FARP1: variants seen among roughly 807,000 people sequenced by gnomAD.
FARP1 encodes FERM, ARHGEF and pleckstrin domain-containing protein 1.
Under a neutral mutation model 128.8 loss-of-function variants are expected in FARP1, and 52 were observed. The ratio of observed to expected loss-of-function variants is 0.40; its 90% CI spans 0.32 to 0.51. The LOEUF (loss-of-function observed/expected upper bound fraction) is 0.51. Among genes scored for constraint, FARP1 ranks in the 20% least tolerant of loss-of-function variants. FARP1 has a pLI of 0.45. For missense variants in FARP1, 1,333 were observed against 1,367.9 expected, an observed-to-expected ratio of 0.97 and a Z score of 0.40; for synonymous variants, 580 against 551.8, an observed-to-expected ratio of 1.05 and a Z score of -0.72.
At chr13:98,153,942 T>G (rs1876313769) in intron 1 of FARP1, among the ~76,000 whole-genome samples, 3 of 152,158 alleles carry the variant, frequency 2.0e-5, no homozygotes. Context: ...TTTAGAACAT[T>G]CCCTTGTGCT....
chr13:98,350,133 G>T (rs1372394088), intron 3 of FARP1, among the ~76,000 whole-genome samples: 1 of 152,074 alleles, frequency 6.6e-6, no homozygotes, highest in Admixed American at 6.5e-5. Flanking sequence ...CACCTCGCGG[G>T]GCAGCACCAT....
chr13:98,430,192 C>T lies in FARP1; in HGVS notation c.1906-851C>T, dbSNP rs904643104. Among the ~76,000 whole-genome samples, 5 of 152,052 alleles carry T rather than the reference C, an allele frequency of 3.3e-5. No individual in the cohort carries two copies. In the East Asian group the frequency reaches 5.8e-4, roughly 18 times the overall value. On this transcript the variant is annotated intron_variant, in intron 17 of 26. Coordinates refer to ENST00000319562, the MANE Select transcript of FARP1 (RefSeq NM_005766.4). ...CCTTGAGCCCAGGAGTTCGAGGCTG[C>T]AGTGAGCTGAGATTGCGCCACTGCA... is the stretch of plus-strand genomic sequence containing the variant.
intron 1 of FARP1, among the ~76,000 whole-genome samples, chr13:98,195,650 C>T (rs1170501860): frequency 6.6e-6 from 1 of 152,068 alleles, no homozygotes; most frequent in East Asian, 1.9e-4. Flanking sequence ...TCCGCTGTGT[C>T]AGTAGAGTGT....
intron 1 of FARP1, among the ~76,000 whole-genome samples, chr13:98,156,078 T>C (rs996225469): frequency 6.6e-6 from 1 of 152,220 alleles, no homozygotes; most frequent in Non-Finnish European, 1.5e-5. Context: ...CCTCCCATAT[T>C]TTAAAAATAA....
intron 1 of FARP1, among the ~76,000 whole-genome samples, chr13:98,208,296 A>AC (rs1366001477): frequency 6.9e-6 from 1 of 144,566 alleles, no homozygotes. Flanking sequence ...ACATGGTGAA[A>AC]CCCCATCTCT....
At chr13:98,430,680 A>G (rs1390306852) in intron 17 of FARP1, among the ~76,000 whole-genome samples, 1 of 152,204 alleles carries the variant, frequency 6.6e-6, no homozygotes, top group Non-Finnish European at 1.5e-5. Context: ...TTATCTGAAG[A>G]CATTTAGAAG....
intron 8 of FARP1, among the ~76,000 whole-genome samples, chr13:98,386,986 A>G (rs929296024): frequency 2.0e-5 from 3 of 152,182 alleles, no homozygotes; most frequent in African/African-American, 7.2e-5. Flanking sequence ...ACCTGCACGC[A>G]TAGCCTCTGA....
At chr13:98,400,760 A>G (rs1347528719) in intron 13 of FARP1, 2 of 152,198 alleles carry the variant, frequency 1.3e-5, no homozygotes, top group Non-Finnish European at 2.9e-5. Flanking sequence ...TCTGATGGTC[A>G]TGGACTTAGT....
At position 98,172,122 on chromosome 13, in the gene FARP1, T is replaced by G. The variant is rs374218417; in HGVS notation, c.-24+28630T>G. 7.9e-5 allele frequency among the ~76,000 whole-genome samples: 12 copies of G among 152,238 alleles called. No homozygotes were observed. The South Asian group carries it at 2.1e-3, about 26-fold the overall frequency. On this transcript the variant is annotated intron_variant, in intron 1 of 26. Transcript: ENST00000319562. ...CGGCCGTTCTTTATCTGTGCTCTGC[T>G]GTTTGTTGGGCGGGGTGGGGAAAAG...
intron 3 of FARP1, among the ~76,000 whole-genome samples, chr13:98,356,540 A>G (rs1888649944): frequency 6.6e-6 from 1 of 152,090 alleles, no homozygotes; most frequent in South Asian, 2.1e-4. Flanking sequence ...TAAAATTGTT[A>G]TTAAGTGTAT....
chr13:98,283,530 G>A (rs537828794), intron 2 of FARP1, among the ~76,000 whole-genome samples: 22 of 152,120 alleles, frequency 1.4e-4, no homozygotes, highest in Admixed American at 1.0e-3. Flanking sequence ...GTGTTCTGGC[G>A]TTCTAAGAAG....
intron 2 of FARP1, among the ~76,000 whole-genome samples, chr13:98,342,654 C>T (rs1194200721): frequency 1.3e-5 from 2 of 151,920 alleles, no homozygotes; most frequent in African/African-American, 2.4e-5. Flanking sequence ...GAGCTGAGAT[C>T]GCGCCATTGC....
At chr13:98,275,980 G>A (rs1338269469) in intron 2 of FARP1, among the ~76,000 whole-genome samples, 1 of 152,224 alleles carries the variant, frequency 6.6e-6, no homozygotes. Context: ...TATGATGGAT[G>A]TCATTATGGA....
chr13:98,353,564 G>C (rs1888522404), intron 3 of FARP1, among the ~76,000 whole-genome samples: 1 of 152,126 alleles, frequency 6.6e-6, no homozygotes, highest in Non-Finnish European at 1.5e-5. Flanking sequence ...TTTTAGTAGA[G>C]ATGGGGTTTC....
At chr13:98,256,953 A>ATG (rs1566801035) in intron 2 of FARP1, among the ~76,000 whole-genome samples, 12 of 48,908 alleles carry the variant, frequency 2.5e-4, no homozygotes, top group African/African-American at 2.9e-4. Context: ...ATGTGGATAT[A>ATG]TATATATATA....
chr13:98,287,605 T>C (rs1295628290), intron 2 of FARP1, among the ~76,000 whole-genome samples: 2 of 152,112 alleles, frequency 1.3e-5, no homozygotes, highest in African/African-American at 4.8e-5. Flanking sequence ...TGATTCTAGA[T>C]TGTTTGCCCC....
intron 2 of FARP1, among the ~76,000 whole-genome samples, chr13:98,283,529 CG>C (rs1885031458): frequency 6.6e-6 from 1 of 151,980 alleles, no homozygotes; most frequent in Non-Finnish European, 1.5e-5. Flanking sequence ...GGTGTTCTGG[CG>C]TTCTAAGAAG....
chr13:98,171,746 A>G (rs1877665449), intron 1 of FARP1, among the ~76,000 whole-genome samples: 2 of 152,220 alleles, frequency 1.3e-5, no homozygotes, highest in Admixed American at 1.3e-4. Context: ...TCAGTCAGAT[A>G]TTCACAGATT....
chr13:98,390,028 T>C lies in FARP1; in HGVS notation c.927T>C (p.Cys309=). Residue 309 remains cysteine, a synonymous_variant, in exon 10 of 27, where the codon TGT becomes TGC. Coordinates refer to ENST00000319562, the MANE Select transcript of FARP1 (RefSeq NM_005766.4). ...TCTGCAAGTCCTTCTGGAAAATCTG[T>C]GTTGAACATCATGCCTTCTTTAGAC... ...RDFCKSFWKI[C]VEHHAFFRLF... 1 of 1,614,234 alleles carries C rather than the reference T, an allele frequency of 6.2e-7. No individual in the cohort carries two copies. The highest frequency in any genetic ancestry group is 2.2e-5 in the East Asian group (1 of 44,882).
Sources: allele counts gnomAD v4.1 joint callset (sites outside exome capture counted in the v4.1 genomes callset), GRCh38; gene constraint gnomAD v4.1.1; transcripts MANE v1.5; gene names NCBI Gene and HGNC (gene_info 2026-07-23, HGNC 2026-07-21).